Variants in SLC8A1 observed in about 807,000 individuals in gnomAD.
The protein encoded by SLC8A1 is solute carrier family 8 member A1.
A neutral mutation model predicts 68.3 loss-of-function variants in SLC8A1; 18 were observed. The observed-to-expected ratio is 0.26, with a 90% CI of 0.18 to 0.39. The LOEUF (loss-of-function observed/expected upper bound fraction) is 0.39. SLC8A1 is among the 10% of genes least tolerant of loss of function. The pLI is 1.00. For synonymous variants in SLC8A1, 475 were observed against 415.5 expected (o/e 1.14, Z -1.74); for missense variants, 985 against 1,156.7 (o/e 0.85, Z 2.15).
At chr2:40,431,369 C>T (rs925693704) in intron 1 of SLC8A1, among the ~76,000 whole-genome samples, 6 of 151,990 alleles carry the variant, frequency 3.9e-5, no homozygotes, top group African/African-American at 1.2e-4. Context: ...TGTGGCATGA[C>T]AAGAGTGACC....
intron 1 of SLC8A1, among the ~76,000 whole-genome samples, chr2:40,467,426 C>T (rs1443920916): frequency 6.6e-6 from 1 of 152,122 alleles, no homozygotes; most frequent in Non-Finnish European, 1.5e-5. Context: ...CTATTAACTG[C>T]TATTCAGTAC....
intron 1 of SLC8A1, among the ~76,000 whole-genome samples, chr2:40,448,749 G>T (rs1226220053): frequency 6.6e-6 from 1 of 152,102 alleles, no homozygotes; most frequent in East Asian, 1.9e-4. Context: ...TATGAGGTAT[G>T]GGAGGTTATG....
At chr2:40,181,648 G>A (rs1006432942) in intron 2 of SLC8A1, among the ~76,000 whole-genome samples, 1 of 152,200 alleles carries the variant, frequency 6.6e-6, no homozygotes, top group African/African-American at 2.4e-5. Flanking sequence ...GGACATTTCA[G>A]TGGATCTAAA....
At chr2:40,505,178 GGATGGTTACCA>G (rs2149940734) in intron 1 of SLC8A1, among the ~76,000 whole-genome samples, 1 of 151,950 alleles carries the variant, frequency 6.6e-6, no homozygotes, top group African/African-American at 2.4e-5. Context: ...GAGAATAGAA[GGATGGTTACCA>G]GAGGCTGGCA....
intron 2 of SLC8A1, among the ~76,000 whole-genome samples, chr2:40,368,882 C>A (rs548694574): frequency 3.3e-5 from 5 of 151,980 alleles, no homozygotes; most frequent in Non-Finnish European, 5.9e-5. Context: ...AGAAATAAGA[C>A]CACACACCCA....
chr2:40,463,063 C>G (rs1268295417), intron 1 of SLC8A1, among the ~76,000 whole-genome samples: 1 of 152,004 alleles, frequency 6.6e-6, no homozygotes, highest in Non-Finnish European at 1.5e-5. Context: ...CCAAATTACA[C>G]AATTTAGTTT....
At chr2:40,264,590 T>C (rs1007399314) in intron 2 of SLC8A1, among the ~76,000 whole-genome samples, 1 of 152,102 alleles carries the variant, frequency 6.6e-6, no homozygotes, top group African/African-American at 2.4e-5. Flanking sequence ...CTCAGCAAAC[T>C]ATCACAAGGA....
At chr2:40,224,336 G>C (rs974795972) in intron 2 of SLC8A1, among the ~76,000 whole-genome samples, 3 of 152,112 alleles carry the variant, frequency 2.0e-5, no homozygotes, top group Non-Finnish European at 4.4e-5. Context: ...TCTCTCATAA[G>C]ATTTGCTTGG....
At chr2:40,200,959 C>G (rs141507404) in intron 2 of SLC8A1, among the ~76,000 whole-genome samples, 23 of 151,782 alleles carry the variant, frequency 1.5e-4, no homozygotes, top group African/African-American at 5.1e-4. Flanking sequence ...GCTAACATTT[C>G]TTTATTTCCA....
chr2:40,139,265 T>G lies in SLC8A1; in HGVS notation c.2437+136A>C, dbSNP rs1020891465. 5.0e-5 allele frequency: 49 copies of G among 974,092 alleles called. No homozygotes were observed. The South Asian group carries it at 7.2e-4, about 14-fold the overall frequency. The allele number at this position is 974,092 out of a possible 1,614,324, so 60.3% of individuals were successfully genotyped here. On this transcript the variant is annotated intron_variant, in intron 7 of 7. Transcript: ENST00000406785. Reference sequence around the variant, plus strand: ...ATGACAATGTTCCGGCAGTAACATTTATTTATACCTCAGGGCTCTCGTCTT... The same window carrying G: ...ATGACAATGTTCCGGCAGTAACATTGATTTATACCTCAGGGCTCTCGTCTT...
chr2:40,432,587 T>A (rs1356199204), intron 1 of SLC8A1, among the ~76,000 whole-genome samples: 6 of 151,328 alleles, frequency 4.0e-5, no homozygotes, highest in Non-Finnish European at 7.4e-5. Flanking sequence ...AAGGTCCTAA[T>A]GGGAATCATG....
intron 2 of SLC8A1, among the ~76,000 whole-genome samples, chr2:40,426,074 C>A (rs1696783078): frequency 6.6e-6 from 1 of 151,864 alleles, no homozygotes; most frequent in Non-Finnish European, 1.5e-5. Context: ...AATCAACAGA[C>A]CTATTTAGCA....
intron 1 of SLC8A1, among the ~76,000 whole-genome samples, chr2:40,493,374 T>A (rs1413900014): frequency 6.7e-6 from 1 of 150,342 alleles, no homozygotes. Context: ...GAGGGATAGC[T>A]TTAGGAGATA....
chr2:40,167,107 T>C (rs1445989640), intron 4 of SLC8A1, among the ~76,000 whole-genome samples: 1 of 152,218 alleles, frequency 6.6e-6, no homozygotes, highest in Non-Finnish European at 1.5e-5. Flanking sequence ...TGGTATTAAA[T>C]AACTGGACAT....
intron 5 of SLC8A1, among the ~76,000 whole-genome samples, chr2:40,164,586 C>T (rs538170935): frequency 3.3e-4 from 51 of 152,270 alleles, no homozygotes; most frequent in Non-Finnish European, 7.4e-5. Context: ...TCAGATTAAA[C>T]CTTCCCTTTG....
intron 2 of SLC8A1, among the ~76,000 whole-genome samples, chr2:40,327,730 G>C (rs932941625): frequency 2.6e-5 from 4 of 152,048 alleles, no homozygotes; most frequent in Non-Finnish European, 5.9e-5. Flanking sequence ...ATAAAGATGA[G>C]AATAATACGA....
At chr2:40,284,873 C>A (rs994149592) in intron 2 of SLC8A1, among the ~76,000 whole-genome samples, 1 of 152,038 alleles carries the variant, frequency 6.6e-6, no homozygotes, top group Admixed American at 6.6e-5. Flanking sequence ...GTAAAAGGAG[C>A]TGATTTCTGC....
chr2:40,480,006 T>G (rs532992381), intron 1 of SLC8A1, among the ~76,000 whole-genome samples: 1 of 152,252 alleles, frequency 6.6e-6, no homozygotes, highest in East Asian at 1.9e-4. Context: ...CACAGTGACT[T>G]GATTTTACTG....
chr2:40,504,331 C>T (rs1368286807), intron 1 of SLC8A1, among the ~76,000 whole-genome samples: 1 of 152,008 alleles, frequency 6.6e-6, no homozygotes, highest in East Asian at 1.9e-4. Flanking sequence ...AGACTTAAAT[C>T]TAAGACCTCA....
Sources: gnomAD v4.1 joint callset for allele counts (sites outside exome capture counted in the v4.1 genomes callset) on GRCh38, gnomAD v4.1.1 for gene constraint, MANE v1.5 for transcripts, NCBI Gene and HGNC (gene_info 2026-07-23, HGNC 2026-07-21) for gene names.